KIF27: variants seen among roughly 807,000 people sequenced by gnomAD.
KIF27 encodes kinesin family member 27, also known as kinesin-like protein KIF27.
A neutral mutation model predicts 141.8 loss-of-function variants in KIF27; 84 were observed. That is an observed-to-expected ratio of 0.59 (90% confidence interval 0.50 to 0.71). The LOEUF is 0.71. Ranked by LOEUF, KIF27 falls within the 30% of genes least tolerant of loss-of-function variation. The probability of loss-of-function intolerance (pLI) is 0.00; values close to 1 mark genes in which losing one functional copy is unlikely to be tolerated. For missense variants in KIF27, 1,306 were observed against 1,628.4 expected (o/e 0.80, Z 3.41); for synonymous variants, 471 against 569.5 (o/e 0.83, Z 2.46).
At position 83,842,097 on chromosome 9, in the gene KIF27, G is replaced by A. The variant is rs189506870; in HGVS notation, c.3721+140C>T. On this transcript the variant is annotated intron_variant, in intron 17 of 17. Transcript: ENST00000297814. ...CTCATGTGGTTCTACTTTAGACAACGATTTTTGTTTACAGAGACAAATAGA... is the reference window on the plus strand; with the variant it reads ...CTCATGTGGTTCTACTTTAGACAACAATTTTTGTTTACAGAGACAAATAGA... 3.6e-4 allele frequency: 362 copies of A among 1,011,096 alleles called. 1 individual carries two copies. The African/African-American group carries it at 4.3e-3, about 12-fold the overall frequency. 62.6% of individuals were successfully genotyped at this position (1,011,096 alleles called of 1,614,324 possible).
chr9:83,859,194 C>A lies in KIF27; in HGVS notation c.3112G>T (p.Asp1038Tyr). 2 of 1,612,892 alleles carry A rather than the reference C, an allele frequency of 1.2e-6. No individual in the cohort carries two copies. The highest frequency in any genetic ancestry group is 1.7e-6 in the Non-Finnish European group (2 of 1,178,762). The change falls in exon 14 of 18, where the codon GAT (aspartate) becomes TAT (tyrosine). Residue 1038 changes from aspartate (D) to tyrosine (Y), a missense_variant. This residue lies in a region of KIF27 where 596 missense variants were observed against 751.6 expected (regional missense o/e 0.79). Coordinates refer to ENST00000297814, the MANE Select transcript of KIF27 (RefSeq NM_017576.4). ...ACTCTACCATTTTTAAGTTTTTCAT[C>A]CACATTGTGTCTGCGTTTCTGGAGC... ...DQLQKRRHNV[D>Y]EKLKNGRVLS...
intron 1 of KIF27, among the ~76,000 whole-genome samples, chr9:83,918,314 C>T (rs1237735133): frequency 3.3e-5 from 3 of 91,050 alleles, no homozygotes; most frequent in African/African-American, 5.9e-5. Context: ...AAAGAGAGAA[C>T]GAGAGAAATG....
intron 16 of KIF27, among the ~76,000 whole-genome samples, chr9:83,843,455 A>AT: frequency 6.6e-6 from 1 of 152,110 alleles, no homozygotes; most frequent in East Asian, 1.9e-4. Context: ...CCCTACTGGC[A>AT]TATTTATAAA....
chr9:83,856,407 G>C (rs1011221482), intron 14 of KIF27, among the ~76,000 whole-genome samples: 1 of 151,994 alleles, frequency 6.6e-6, no homozygotes, highest in Non-Finnish European at 1.5e-5. Flanking sequence ...AGGAGTTCGA[G>C]ACCAGCCTGA....
chr9:83,874,933 CAAAAAA>C (rs34762926), intron 11 of KIF27, among the ~76,000 whole-genome samples: 1 of 91,424 alleles, frequency 1.1e-5, no homozygotes, highest in Non-Finnish European at 2.1e-5. Flanking sequence ...GACCTTGTCT[CAAAAAA>C]AAAAAAAAAA....
intron 11 of KIF27, among the ~76,000 whole-genome samples, chr9:83,874,885 G>C (rs1951082645): frequency 7.1e-6 from 1 of 140,294 alleles, no homozygotes; most frequent in Non-Finnish European, 1.5e-5. Flanking sequence ...AGTGAGCCAT[G>C]ATCACATCAC....
chr9:83,919,601 A>G (rs1375233108), intron 1 of KIF27, among the ~76,000 whole-genome samples: 1 of 152,050 alleles, frequency 6.6e-6, no homozygotes, highest in East Asian at 1.9e-4. Flanking sequence ...CCCTTGAAAA[A>G]AAAAAAACCA....
Position 83,888,691 on chromosome 9 carries a change from T to C in KIF27, c.1980-99A>G, listed in dbSNP as rs144205692. 1,360 of 650,096 alleles carry C rather than the reference T, an allele frequency of 2.1e-3. 16 individuals carry two copies. Among genetic ancestry groups the C allele is most frequent in the African/African-American group, 0.021 (1,112 of 53,198 alleles). 40.3% of individuals were successfully genotyped at this position (650,096 alleles called of 1,614,324 possible). ...AGTGAAAGTAATGTTAAAAAAATTA[T>C]TAGTTACATATAAAAACAGAATGTT... is the stretch of plus-strand genomic sequence containing the variant. On this transcript the variant is annotated intron_variant, in intron 7 of 17. Coordinates refer to ENST00000297814, the MANE Select transcript of KIF27 (RefSeq NM_017576.4).
chr9:83,875,540 A>G (rs1197233180), intron 11 of KIF27, among the ~76,000 whole-genome samples: 1 of 152,184 alleles, frequency 6.6e-6, no homozygotes, highest in Non-Finnish European at 1.5e-5. Flanking sequence ...AAAGTATCCT[A>G]TACTCACCTA....
At chr9:83,841,277 G>A (rs113352158) in intron 17 of KIF27, among the ~76,000 whole-genome samples, 2 of 152,032 alleles carry the variant, frequency 1.3e-5, no homozygotes, top group Non-Finnish European at 2.9e-5. Flanking sequence ...CACCATGTTG[G>A]TCAGGTTGGT....
chr9:83,903,354 A>T lies in KIF27; in HGVS notation c.1164T>A (p.Ser388Arg), dbSNP rs139709598. Residue 388 changes from serine to arginine, a missense_variant, in exon 4 of 18, where the codon AGT becomes AGA. Ser to Arg is a moderately radical substitution (Grantham distance 110, BLOSUM62 -1). Coordinates refer to ENST00000297814, the MANE Select transcript of KIF27 (RefSeq NM_017576.4). ...GAGAATGAATCCTATTTGTATCAGG[A>T]CTCCCTTCTCGATTGATCTGGGTAG... ...SQTTQINREG[S>R]PDTNRIHSLE... 1.1e-4 allele frequency: 180 copies of T among 1,613,916 alleles called. No individual in the cohort carries two copies. The African/African-American group carries it at 2.2e-3, about 20-fold the overall frequency.
At chr9:83,880,097 C>T in intron 11 of KIF27, 200 bp downstream of exon 11, 1 of 652,118 alleles carries the variant, frequency 1.5e-6, no homozygotes, top group Non-Finnish European at 2.5e-6. Context: ...GAAGTCAAAG[C>T]CTTCAAGACA....
At chr9:83,843,146 A>C (rs1423758216) in intron 16 of KIF27, among the ~76,000 whole-genome samples, 2 of 147,518 alleles carry the variant, frequency 1.4e-5, no homozygotes, top group Admixed American at 1.4e-4. Context: ...AGAAATATAC[A>C]GCCAAAACCC....
intron 6 of KIF27, among the ~76,000 whole-genome samples, chr9:83,891,059 A>G (rs1342498488): frequency 6.6e-6 from 1 of 152,194 alleles, no homozygotes; most frequent in South Asian, 2.1e-4. Flanking sequence ...CCTTTTTCAC[A>G]TTGAAGAAGT....
intron 17 of KIF27, among the ~76,000 whole-genome samples, chr9:83,841,789 T>A (rs1946602419): frequency 6.6e-6 from 1 of 152,180 alleles, no homozygotes; most frequent in Non-Finnish European, 1.5e-5. Context: ...AACATCTTTG[T>A]CTCAAAAATA....
intron 12 of KIF27, 164 bp from the exon 13 acceptor site, chr9:83,868,024 T>C: frequency 1.6e-6 from 1 of 644,242 alleles, no homozygotes; most frequent in Non-Finnish European, 2.5e-6. Flanking sequence ...ACATCAGTGG[T>C]TCTAGTCAAG....
intron 6 of KIF27, among the ~76,000 whole-genome samples, chr9:83,889,680 A>G (rs1336536150): frequency 1.3e-5 from 2 of 151,474 alleles, no homozygotes; most frequent in African/African-American, 4.9e-5. Flanking sequence ...TCCAAATCCT[A>G]CCACAGGAAG....
At chr9:83,871,434 T>C (rs560173226) in intron 11 of KIF27, among the ~76,000 whole-genome samples, 6 of 152,288 alleles carry the variant, frequency 3.9e-5, no homozygotes, top group Non-Finnish European at 7.3e-5. Flanking sequence ...TACACATTAG[T>C]GTAACAAGGA....
At chr9:83,860,556 C>A (rs1020463885) in intron 13 of KIF27, among the ~76,000 whole-genome samples, 2 of 152,168 alleles carry the variant, frequency 1.3e-5, no homozygotes, top group Non-Finnish European at 2.9e-5. Context: ...GTGAAATGAT[C>A]ATGCTTCTGT....
Sources: gnomAD v4.1 joint callset for allele counts (sites outside exome capture counted in the v4.1 genomes callset) on GRCh38, gnomAD v4.1.1 for gene constraint, gnomAD v4.1.1 regional missense constraint, MANE v1.5 for transcripts, NCBI Gene and HGNC (gene_info 2026-07-23, HGNC 2026-07-21) for gene names.